CAST: variants seen among roughly 807,000 people sequenced by gnomAD.
The protein encoded by CAST is calpastatin.
In CAST, 76 loss-of-function variants were observed where a neutral mutation model predicts 119.6. That is an observed-to-expected ratio of 0.64 (90% CI 0.53 to 0.77). CAST has a LOEUF of 0.77. CAST is among the 30% of genes least tolerant of loss of function. The pLI, the probability that CAST is intolerant of heterozygous loss-of-function variation, is 0.00. For missense variants in CAST, 953 were observed against 946.5 expected (o/e 1.01, Z -0.09); for synonymous variants, 319 against 331.6 (o/e 0.96, Z 0.41).
intron 1 of CAST, among the ~76,000 whole-genome samples, chr5:96,618,964 G>A (rs112413431): frequency 6.6e-6 from 1 of 152,124 alleles, no homozygotes; most frequent in Non-Finnish European, 1.5e-5. Context: ...ATGTCTAGCT[G>A]GAGGATTGTA....
chr5:96,166,275 T>A, the CAST span, among the ~76,000 whole-genome samples: 1 of 152,246 alleles, frequency 6.6e-6, no homozygotes, highest in African/African-American at 2.4e-5. Context: ...TTTCTGATAA[T>A]TTAATACCTT....
At chr5:96,028,864 T>A in the CAST span, among the ~76,000 whole-genome samples, 1 of 152,104 alleles carries the variant, frequency 6.6e-6, no homozygotes, top group Non-Finnish European at 1.5e-5. Context: ...AATTTTGGAC[T>A]CTGATTTAAA....
the CAST span, among the ~76,000 whole-genome samples, chr5:96,484,292 G>A: frequency 2.1e-4 from 32 of 152,082 alleles, no homozygotes; most frequent in African/African-American, 6.5e-4. Flanking sequence ...TCACTCTTAC[G>A]CACACTTTTA....
the CAST span, among the ~76,000 whole-genome samples, chr5:96,096,748 C>T: frequency 6.6e-6 from 1 of 152,144 alleles, no homozygotes; most frequent in African/African-American, 2.4e-5. Flanking sequence ...ATGGCCTCTA[C>T]CATCTGAATG....
At chr5:96,490,850 A>G in the CAST span, among the ~76,000 whole-genome samples, 1 of 152,118 alleles carries the variant, frequency 6.6e-6, no homozygotes, top group Non-Finnish European at 1.5e-5. Flanking sequence ...ATTAAATAGG[A>G]TACAAAAGGT....
the CAST span, among the ~76,000 whole-genome samples, chr5:96,029,086 G>C: frequency 6.6e-6 from 1 of 152,082 alleles, no homozygotes; most frequent in African/African-American, 2.4e-5. Flanking sequence ...TTCAGGATCT[G>C]GCCAAATGTG....
chr5:96,291,475 T>C, the CAST span, among the ~76,000 whole-genome samples: 2 of 152,208 alleles, frequency 1.3e-5, no homozygotes, highest in Non-Finnish European at 2.9e-5. Flanking sequence ...CAAATTCCTT[T>C]TTTTTTCCCG....
chr5:96,300,909 G>T, the CAST span, among the ~76,000 whole-genome samples: 2 of 134,110 alleles, frequency 1.5e-5, no homozygotes, highest in Non-Finnish European at 3.1e-5. Flanking sequence ...GAAAGTTCAC[G>T]TTAATATAGA....
At chr5:95,974,029 ACC>A in the CAST span, among the ~76,000 whole-genome samples, 213 of 143,522 alleles carry the variant, frequency 1.5e-3, no homozygotes, top group East Asian at 9.0e-3. Flanking sequence ...ACACACACAC[ACC>A]CCCACTCACC....
At position 96,561,796 on chromosome 5, in the gene CAST, G is replaced by GTTTTTTTGTTTTT. The variant is rs1267067922; in HGVS notation, c.60+31923_60+31924insGTTTTTTTTTTTT. ...GTGTATTATATATATGTTTTTTTTT[G>GTTTTTTTGTTTTT]TTTTTTTTTTTTTTGAGACGGAGTC... On this transcript the variant is annotated intron_variant, in intron 1 of 11. Coordinates refer to the CAST transcript ENST00000505143. 4.3e-3 allele frequency among the ~76,000 whole-genome samples: 420 copies of GTTTTTTTGTTTTT among 97,378 alleles called. 16 individuals carry two copies. Among genetic ancestry groups the GTTTTTTTGTTTTT allele is most frequent in the African/African-American group, 6.5e-3 (169 of 26,018 alleles). The allele number at this position is 97,378 out of a possible 152,430, so 63.9% of individuals were successfully genotyped here.
At chr5:96,704,106 T>A (rs937766007) in intron 3 of CAST, among the ~76,000 whole-genome samples, 1 of 152,190 alleles carries the variant, frequency 6.6e-6, no homozygotes. Flanking sequence ...AAGCCACCTA[T>A]AGCAATGAGG....
the CAST span, among the ~76,000 whole-genome samples, chr5:96,471,148 G>A: frequency 6.6e-6 from 1 of 152,014 alleles, no homozygotes; most frequent in Non-Finnish European, 1.5e-5. Flanking sequence ...GGTCAAATTT[G>A]CACAGTTCTA....
In CAST at chr5:96,709,968, TGTG is replaced by T. The variant is rs555464519; in HGVS notation, c.211-12667_211-12665del. ...TGTCTACAACATACTACTATTTCCT[TGTG>T]GTGCAAGAAAGGACGCGGGCTATAG... On this transcript the variant is annotated intron_variant, in intron 3 of 31. Transcript: ENST00000675179. Among the ~76,000 whole-genome samples, 14 of 152,292 alleles carry T rather than the reference TGTG, an allele frequency of 9.2e-5. No individual in the cohort carries two copies. In the South Asian group the frequency reaches 2.9e-3, roughly 32 times the overall value.
At chr5:96,751,899 T>C (rs1156811083) in intron 20 of CAST, among the ~76,000 whole-genome samples, 1 of 152,236 alleles carries the variant, frequency 6.6e-6, no homozygotes, top group Non-Finnish European at 1.5e-5. Context: ...TTGTTTTCCC[T>C]TTCCCCGTCC....
the CAST span, among the ~76,000 whole-genome samples, chr5:96,468,469 G>C: frequency 1.3e-5 from 2 of 152,000 alleles, no homozygotes; most frequent in Non-Finnish European, 2.9e-5. Flanking sequence ...ATGTTAGTGG[G>C]ACCACAGCCC....
At chr5:96,107,921 T>G in the CAST span, among the ~76,000 whole-genome samples, 4 of 152,088 alleles carry the variant, frequency 2.6e-5, no homozygotes, top group Non-Finnish European at 5.9e-5. Context: ...CTTTGTTCAT[T>G]TCTTTTTATT....
At chr5:95,982,332 T>C in the CAST span, among the ~76,000 whole-genome samples, 2 of 152,092 alleles carry the variant, frequency 1.3e-5, no homozygotes, top group African/African-American at 4.8e-5. Context: ...TGTGTGTGTG[T>C]GTAGTTATAT....
chr5:96,089,682 T>C, the CAST span, among the ~76,000 whole-genome samples: 1 of 152,234 alleles, frequency 6.6e-6, no homozygotes, highest in Non-Finnish European at 1.5e-5. Flanking sequence ...GTGTAGCCTT[T>C]CTTGACATAC....
the CAST span, among the ~76,000 whole-genome samples, chr5:96,504,908 A>G: frequency 6.6e-6 from 1 of 152,224 alleles, no homozygotes; most frequent in Non-Finnish European, 1.5e-5. Context: ...TTTGAGGTTC[A>G]TTCACGTTGT....
Sources: gnomAD v4.1 joint callset for allele counts (sites outside exome capture counted in the v4.1 genomes callset) on GRCh38, gnomAD v4.1.1 for gene constraint, MANE v1.5 for transcripts, NCBI Gene and HGNC (gene_info 2026-07-23, HGNC 2026-07-21) for gene names.